CSMD3: variants seen among roughly 807,000 people sequenced by gnomAD.
The protein encoded by CSMD3 is CUB and sushi domain-containing protein 3.
Under a neutral mutation model 435.2 loss-of-function variants are expected in CSMD3, and 177 were observed. The ratio of observed to expected loss-of-function variants is 0.41; its 90% CI spans 0.36 to 0.46. CSMD3 has a LOEUF of 0.46. CSMD3 is among the 20% of genes least tolerant of loss of function. The pLI, the probability that CSMD3 is intolerant of heterozygous loss-of-function variation, is 0.34. For synonymous variants in CSMD3, 1,656 were observed against 1,520.5 expected (o/e 1.09, Z -2.07); for missense variants, 4,265 against 4,504.6 (o/e 0.95, Z 1.52).
At chr8:112,600,115 T>G (rs1482069842) in intron 22 of CSMD3, among the ~76,000 whole-genome samples, 1 of 151,976 alleles carries the variant, frequency 6.6e-6, no homozygotes, top group Non-Finnish European at 1.5e-5. Context: ...AACTTAAAAC[T>G]AGGCTAAGAA....
chr8:112,299,165 T>A (rs1326725073), intron 53 of CSMD3, among the ~76,000 whole-genome samples: 1 of 152,038 alleles, frequency 6.6e-6, no homozygotes, highest in Non-Finnish European at 1.5e-5. Flanking sequence ...ATGGTGAAAA[T>A]ATCGAAATAG....
chr8:112,527,113 T>C (rs1480294252), intron 27 of CSMD3, among the ~76,000 whole-genome samples: 1 of 151,928 alleles, frequency 6.6e-6, no homozygotes, highest in East Asian at 1.9e-4. Context: ...TGAATAATTA[T>C]ATTAAATATA....
At chr8:112,881,541 C>T (rs2081448642) in intron 10 of CSMD3, among the ~76,000 whole-genome samples, 1 of 151,994 alleles carries the variant, frequency 6.6e-6, no homozygotes, top group Admixed American at 6.6e-5. Context: ...GAAAATGATG[C>T]TGCTAAGCAA....
At chr8:113,246,683 T>C (rs1032841058) in intron 3 of CSMD3, among the ~76,000 whole-genome samples, 2 of 152,156 alleles carry the variant, frequency 1.3e-5, no homozygotes, top group Admixed American at 6.6e-5. Flanking sequence ...TTTACAAATG[T>C]AGCATGTTTT....
chr8:112,305,313 A>T (rs1821318546), intron 51 of CSMD3, among the ~76,000 whole-genome samples: 1 of 152,174 alleles, frequency 6.6e-6, no homozygotes, highest in African/African-American at 2.4e-5. Flanking sequence ...CAAGGTAAGT[A>T]GAAGCCTTAT....
intron 32 of CSMD3, among the ~76,000 whole-genome samples, chr8:112,431,886 T>C (rs1263576739): frequency 6.6e-6 from 1 of 152,166 alleles, no homozygotes; most frequent in Admixed American, 6.6e-5. Context: ...TTTATTTTCA[T>C]ACTAATTTCC....
intron 10 of CSMD3, among the ~76,000 whole-genome samples, chr8:112,884,874 T>A (rs960708972): frequency 6.6e-6 from 1 of 151,784 alleles, no homozygotes; most frequent in Non-Finnish European, 1.5e-5. Context: ...AATAAAAATG[T>A]TGTTAGCATA....
intron 22 of CSMD3, among the ~76,000 whole-genome samples, chr8:112,592,395 G>T (rs990275490): frequency 1.3e-5 from 2 of 151,740 alleles, no homozygotes; most frequent in Non-Finnish European, 2.9e-5. Flanking sequence ...TACAATACAT[G>T]TATGTATCCA....
At chr8:112,410,640 A>G (rs557911771) in intron 32 of CSMD3, among the ~76,000 whole-genome samples, 1,115 of 56,592 alleles carry the variant, frequency 0.02, 9 homozygotes, top group Middle Eastern at 0.03. Context: ...ATATATATGT[A>G]TATATATATG....
At chr8:113,255,083 C>T (rs1316536837) in intron 3 of CSMD3, among the ~76,000 whole-genome samples, 5 of 152,048 alleles carry the variant, frequency 3.3e-5, no homozygotes, top group African/African-American at 9.7e-5. Context: ...CATACGTTCA[C>T]GCATTTAAAT....
At chr8:112,305,157 C>T (rs923281325) in intron 51 of CSMD3, among the ~76,000 whole-genome samples, 2 of 152,168 alleles carry the variant, frequency 1.3e-5, no homozygotes, top group African/African-American at 2.4e-5. Flanking sequence ...ATTCTACCTA[C>T]TTAGAATCCC....
intron 13 of CSMD3, among the ~76,000 whole-genome samples, chr8:112,740,181 C>T (rs937588549): frequency 5.3e-5 from 8 of 151,516 alleles, no homozygotes; most frequent in African/African-American, 1.7e-4. Context: ...CATTATGACA[C>T]AAAAATATAA....
intron 6 of CSMD3, among the ~76,000 whole-genome samples, chr8:112,990,005 C>A (rs2085393582): frequency 6.6e-6 from 1 of 151,852 alleles, no homozygotes; most frequent in Non-Finnish European, 1.5e-5. Context: ...AATGGGAGAT[C>A]CCCTACACAA....
At chr8:112,843,100 G>A (rs2080227070) in intron 11 of CSMD3, among the ~76,000 whole-genome samples, 1 of 151,756 alleles carries the variant, frequency 6.6e-6, no homozygotes, top group Admixed American at 6.6e-5. Flanking sequence ...CAAAAAGAGA[G>A]ATTTTATGTT....
At chr8:112,299,794 C>T (rs562967275) in intron 53 of CSMD3, among the ~76,000 whole-genome samples, 125 of 152,040 alleles carry the variant, frequency 8.2e-4, no homozygotes, top group African/African-American at 2.9e-3. Flanking sequence ...ACTGTACTTT[C>T]CTCCTACCAA....
intron 22 of CSMD3, among the ~76,000 whole-genome samples, chr8:112,618,412 A>T (rs1833813906): frequency 6.6e-6 from 1 of 152,120 alleles, no homozygotes; most frequent in Admixed American, 6.6e-5. Flanking sequence ...GCAAGAAAAG[A>T]AGGCACAACT....
At chr8:112,775,552 GAATA>G (rs915056687) in intron 13 of CSMD3, among the ~76,000 whole-genome samples, 162 of 151,856 alleles carry the variant, frequency 1.1e-3, no homozygotes, top group African/African-American at 3.7e-3. Context: ...ATATTTTGGT[GAATA>G]AATTAACATA....
chr8:113,022,911 A>AAAT (rs35625191), intron 5 of CSMD3, among the ~76,000 whole-genome samples: 92,941 of 151,516 alleles, frequency 0.61, 30,365 homozygotes, highest in East Asian at 0.95. Context: ...TTTACTGCAG[A>AAAT]AATAATGATT....
chr8:112,928,372 T>C (rs975177137), intron 9 of CSMD3, among the ~76,000 whole-genome samples: 1 of 152,184 alleles, frequency 6.6e-6, no homozygotes, highest in Non-Finnish European at 1.5e-5. Context: ...ATTATTATCA[T>C]AGAGTCCTTT....
Sources: allele counts gnomAD v4.1 joint callset (sites outside exome capture counted in the v4.1 genomes callset), GRCh38; gene constraint gnomAD v4.1.1; transcripts MANE v1.5; gene names NCBI Gene and HGNC (gene_info 2026-07-23, HGNC 2026-07-21).